The following ZNF827 variants were observed in gnomAD, a reference collection of about 807,000 sequenced individuals.
ZNF827 encodes the protein zinc finger protein 827.
In ZNF827, 13 loss-of-function variants were observed where a neutral mutation model predicts 102.4. The ratio of observed to expected loss-of-function variants is 0.13; its 90% CI spans 0.08 to 0.20. The LOEUF (loss-of-function observed/expected upper bound fraction) is 0.20, where lower values mean the gene tolerates loss of function less well. Among genes scored for constraint, ZNF827 ranks in the 10% least tolerant of loss-of-function variants. ZNF827 has a pLI of 1.00. For missense variants in ZNF827, 1,103 were observed against 1,344.4 expected, an observed-to-expected ratio of 0.82 and a Z score of 2.81; for synonymous variants, 523 against 536.2, an observed-to-expected ratio of 0.98 and a Z score of 0.34.
chr4:145,931,925 T>G (rs1218627697), intron 1 of ZNF827, among the ~76,000 whole-genome samples: 1 of 152,170 alleles, frequency 6.6e-6, no homozygotes, highest in African/African-American at 2.4e-5. Flanking sequence ...CCCAAATTCA[T>G]GTTGAAACTT....
chr4:145,819,682 C>G (rs752491747), intron 8 of ZNF827, among the ~76,000 whole-genome samples: 5 of 152,208 alleles, frequency 3.3e-5, no homozygotes, highest in Admixed American at 6.5e-5. Context: ...AACATCACCA[C>G]CCAGGGTACA....
At chr4:145,806,311 C>T (rs913212129) in intron 8 of ZNF827, among the ~76,000 whole-genome samples, 4 of 144,652 alleles carry the variant, frequency 2.8e-5, no homozygotes, top group Admixed American at 6.9e-5. Flanking sequence ...TCCACCACGC[C>T]CAGCTACTTT....
intron 5 of ZNF827, among the ~76,000 whole-genome samples, chr4:145,865,004 C>G (rs1022064992): frequency 6.6e-6 from 1 of 152,204 alleles, no homozygotes; most frequent in Non-Finnish European, 1.5e-5. Context: ...AGTTTTTGCT[C>G]TGAGAAATTA....
chr4:145,846,078 C>A, intron 6 of ZNF827, 65 bp from the exon 7 acceptor site: 1 of 1,531,442 alleles, frequency 6.5e-7, no homozygotes, highest in Admixed American at 1.7e-5. Context: ...CATCTTTTAG[C>A]CTTAAGCAGA....
At chr4:145,861,507 C>T (rs908128770) in intron 5 of ZNF827, among the ~76,000 whole-genome samples, 15 of 152,284 alleles carry the variant, frequency 9.9e-5, no homozygotes, top group African/African-American at 2.9e-4. Flanking sequence ...ATCATCAAAT[C>T]GTATTTACCA....
Position 145,850,438 on chromosome 4 carries a change from G to A in ZNF827, c.1982-877C>T, listed in dbSNP as rs549540358. Among the ~76,000 whole-genome samples the A allele has an allele frequency of 1.5e-4, 23 of 152,286 alleles. No individual in the cohort carries two copies. In the South Asian group the frequency reaches 3.9e-3, roughly 26 times the overall value. The stretch of plus-strand genomic sequence containing the variant: ...TTGCTGGAGGTGTATGGAAGACCAC[G>A]CAGGAAGTTAACTGCAGCCCAAGGA... On this transcript the variant is annotated intron_variant, in intron 5 of 14. Coordinates refer to ENST00000508784, the MANE Select transcript of ZNF827 (RefSeq NM_001306215.2).
chr4:145,891,709 CTAAA>C (rs1750619129), intron 3 of ZNF827, among the ~76,000 whole-genome samples: 1 of 152,188 alleles, frequency 6.6e-6, no homozygotes, highest in South Asian at 2.1e-4. Flanking sequence ...TCCCACAGGG[CTAAA>C]TAAAGTTAAA....
At chr4:145,863,463 CAGA>C (rs1747909119) in intron 5 of ZNF827, among the ~76,000 whole-genome samples, 1 of 152,140 alleles carries the variant, frequency 6.6e-6, no homozygotes, top group Non-Finnish European at 1.5e-5. Context: ...TTCATAGTAG[CAGA>C]AGATGGCAAA....
intron 5 of ZNF827, 50 bp from the exon 6 acceptor site, chr4:145,849,611 C>T: frequency 6.2e-7 from 1 of 1,604,736 alleles, no homozygotes; most frequent in African/African-American, 1.3e-5. Flanking sequence ...TTTCTTAATT[C>T]CAAGCTAGAC....
intron 7 of ZNF827, among the ~76,000 whole-genome samples, chr4:145,825,919 C>T (rs1257922846): frequency 6.6e-6 from 1 of 152,194 alleles, no homozygotes; most frequent in Non-Finnish European, 1.5e-5. Flanking sequence ...AGAAGGGAGT[C>T]CTGCTGGATA....
chr4:145,772,454 G>A (rs1334153134), intron 11 of ZNF827, among the ~76,000 whole-genome samples: 1 of 152,162 alleles, frequency 6.6e-6, no homozygotes, highest in Non-Finnish European at 1.5e-5. Flanking sequence ...CCCTTGCTGT[G>A]AGACCATTAG....
intron 8 of ZNF827, among the ~76,000 whole-genome samples, chr4:145,816,854 T>C (rs925755369): frequency 4.6e-5 from 7 of 152,222 alleles, no homozygotes; most frequent in Non-Finnish European, 7.3e-5. Flanking sequence ...CTACATGTCA[T>C]TAGTTTAGGG....
chr4:145,893,176 G>C (rs1223432199), intron 2 of ZNF827, among the ~76,000 whole-genome samples: 1 of 152,178 alleles, frequency 6.6e-6, no homozygotes, highest in Non-Finnish European at 1.5e-5. Context: ...AATCTTTCAA[G>C]AAATTAAACA....
chr4:145,867,960 A>G (rs1748349683), intron 5 of ZNF827, among the ~76,000 whole-genome samples: 1 of 152,228 alleles, frequency 6.6e-6, no homozygotes, highest in Non-Finnish European at 1.5e-5. Flanking sequence ...TAGGGCATGA[A>G]CTATGAAATT....
intron 4 of ZNF827, among the ~76,000 whole-genome samples, chr4:145,883,369 G>A (rs1429273563): frequency 6.6e-6 from 1 of 152,136 alleles, no homozygotes; most frequent in African/African-American, 2.4e-5. Flanking sequence ...TAAATATTCT[G>A]ACTACCAAAC....
chr4:145,808,012 C>T (rs536599551), intron 8 of ZNF827, among the ~76,000 whole-genome samples: 165 of 151,106 alleles, frequency 1.1e-3, no homozygotes, highest in Non-Finnish European at 1.9e-3. Context: ...TTTCACATAC[C>T]GAAAGCTTGC....
chr4:145,930,584 G>A (rs548325021), intron 1 of ZNF827, among the ~76,000 whole-genome samples: 2 of 152,226 alleles, frequency 1.3e-5, no homozygotes, highest in Non-Finnish European at 2.9e-5. Context: ...CAGAAGCAAA[G>A]TGTATCTAAA....
At chr4:145,877,310 C>G (rs1024130140) in intron 4 of ZNF827, among the ~76,000 whole-genome samples, 1 of 152,146 alleles carries the variant, frequency 6.6e-6, no homozygotes, top group Non-Finnish European at 1.5e-5. Flanking sequence ...TATGTATGAA[C>G]AGGTTGGGGA....
chr4:145,825,827 C>T (rs1743622124), intron 7 of ZNF827, among the ~76,000 whole-genome samples: 1 of 152,116 alleles, frequency 6.6e-6, no homozygotes, highest in Non-Finnish European at 1.5e-5. Flanking sequence ...AGGGAAACAA[C>T]ATTCAAAATA....
Sources: allele counts gnomAD v4.1 joint callset (sites outside exome capture counted in the v4.1 genomes callset), GRCh38; gene constraint gnomAD v4.1.1; transcripts MANE v1.5; gene names NCBI Gene and HGNC (gene_info 2026-07-23, HGNC 2026-07-21).